The following WFDC8 variants were observed in gnomAD, a reference collection of about 807,000 sequenced individuals.
WFDC8 encodes the protein WAP four-disulfide core domain protein 8.
Under a neutral mutation model 27.0 loss-of-function variants are expected in WFDC8, and 24 were observed. The ratio of observed to expected loss-of-function variants is 0.89; its 90% CI spans 0.64 to 1.25. The LOEUF (loss-of-function observed/expected upper bound fraction) is 1.25, where lower values mean the gene tolerates loss of function less well. WFDC8 is among the 50% of genes most tolerant of loss of function. The pLI is 0.00. For missense variants in WFDC8, 287 were observed against 295.9 expected, an observed-to-expected ratio of 0.97 and a Z score of 0.22; for synonymous variants, 106 against 99.7, an observed-to-expected ratio of 1.06 and a Z score of -0.38.
At position 45,552,147 on chromosome 20, in the gene WFDC8, G is replaced by A. The variant is rs1215432393; in HGVS notation, c.605C>T (p.Pro202Leu). ...RAWTVKKGFC[P>L]RKPLLCTKID... ...CTTGGTACATAGCAAGGGCTTGCGT[G>A]GGCAGAAACCTTTTTTGACTTTATG... The change falls in exon 6 of 6, where the codon CCA becomes CTA. Residue 202 changes from proline (P) to leucine (L), a missense_variant. Coordinates refer to ENST00000289953, the MANE Select transcript of WFDC8 (RefSeq NM_130896.3). The A allele has an allele frequency of 1.2e-6, 2 of 1,613,716 alleles. No individual in the cohort carries two copies. The highest frequency in any genetic ancestry group is 1.7e-6 in the Non-Finnish European group (2 of 1,179,904).
rs536848229 is a variant in WFDC8 at position 45,564,906 on chromosome 20, GA to G, written c.27-2688del. 1.7e-3 allele frequency among the ~76,000 whole-genome samples: 239 copies of G among 143,302 alleles called. 2 individuals carry two copies. Among genetic ancestry groups the G allele is most frequent in the Non-Finnish European group, 2.5e-3 (166 of 66,084 alleles). The allele number at this position is 143,302 out of a possible 152,430, so 94.0% of individuals were successfully genotyped here. A position where few individuals can be genotyped will look rare whatever the true frequency, so the allele number is the denominator to read the frequency against. On this transcript the variant is annotated intron_variant, in intron 1 of 5. Coordinates refer to ENST00000289953, the MANE Select transcript of WFDC8 (RefSeq NM_130896.3). Reference sequence around the variant, plus strand: ...AGGAGAAGAGAATAGGGGAGAGGGAGAAAAAAGAAGAAAGAGAGAGTGAAAG... The same window carrying G: ...AGGAGAAGAGAATAGGGGAGAGGGAGAAAAAGAAGAAAGAGAGAGTGAAAG...
rs187762068 is a variant in WFDC8, at chr20:45,571,795, G to A, written c.26+7427C>T. 3.3e-3 allele frequency among the ~76,000 whole-genome samples: 497 copies of A among 152,260 alleles called. 3 individuals are homozygous for A. The highest frequency in any genetic ancestry group is 0.011 in the African/African-American group (470 of 41,538). ...GTTCTTCATCTTCATCCATGTTATT[G>A]CAAATGACAGAATTTCCTTCTTTTT... On this transcript the variant is annotated intron_variant, in intron 1 of 5. Transcript: ENST00000289953.
chr20:45,559,713 T>C (rs1980396964), intron 2 of WFDC8: 1 of 152,068 alleles, frequency 6.6e-6, no homozygotes, highest in Non-Finnish European at 1.5e-5. Flanking sequence ...CCTTTTATTT[T>C]TATTTTTATT....
intron 5 of WFDC8, 152 bp downstream of exon 5, chr20:45,552,984 T>A: frequency 1.2e-6 from 1 of 866,496 alleles, no homozygotes; most frequent in South Asian, 1.9e-5. Context: ...GAGGTCAATA[T>A]AACTTGTTGG....
At chr20:45,554,243 G>T (rs1051909247) in intron 4 of WFDC8, among the ~76,000 whole-genome samples, 1 of 152,050 alleles carries the variant, frequency 6.6e-6, no homozygotes, top group Non-Finnish European at 1.5e-5. Context: ...GCCTAGGCTG[G>T]TCTCAAACTC....
intron 1 of WFDC8, among the ~76,000 whole-genome samples, chr20:45,574,118 T>C (rs975511187): frequency 3.3e-5 from 5 of 152,196 alleles, no homozygotes; most frequent in East Asian, 1.9e-4. Flanking sequence ...CTGGAAGAAA[T>C]TGAGAAATTC....
At chr20:45,553,341 C>A (rs3817886) in intron 4 of WFDC8, 65 bp from the exon 5 acceptor site, 618,529 of 1,544,896 alleles carry the variant, frequency 0.4, 128,643 homozygotes, top group Non-Finnish European at 0.43. Context: ...TTCAAAGAGC[C>A]TTTCCTTCTC....
intron 1 of WFDC8, among the ~76,000 whole-genome samples, chr20:45,576,029 C>T (rs1041058238): frequency 9.2e-5 from 14 of 151,366 alleles, no homozygotes; most frequent in African/African-American, 2.7e-4. Context: ...AATTAGTAAG[C>T]CTCGTCCAAA....
intron 4 of WFDC8, among the ~76,000 whole-genome samples, chr20:45,554,959 G>T (rs753565088): frequency 6.6e-6 from 1 of 152,216 alleles, no homozygotes; most frequent in Non-Finnish European, 1.5e-5. Flanking sequence ...TCACACAGTT[G>T]TGAAGATCAC....
chr20:45,553,038 G>T (rs536781515), intron 5 of WFDC8, 98 bp downstream of exon 5: 2 of 1,441,458 alleles, frequency 1.4e-6, no homozygotes, highest in South Asian at 1.4e-5. Context: ...TGAGCCCAAG[G>T]AGCATCTGAG....
chr20:45,551,791 A>G lies in WFDC8; in HGVS notation c.*235T>C, dbSNP rs1052611185. On this transcript the variant is annotated 3_prime_UTR_variant, in exon 6 of 6. Coordinates refer to ENST00000289953, the MANE Select transcript of WFDC8 (RefSeq NM_130896.3). ...TGCCATTGCCTTTATTTTCATTATT[A>G]TTTTGGAGGTTCTACACAATACAAG... The G allele has an allele frequency of 1.7e-4, 70 of 411,674 alleles. No individual in the cohort carries two copies. Among genetic ancestry groups the G allele is most frequent in the Middle Eastern group, 6.7e-4 (1 of 1,498 alleles). The allele number at this position is 411,674 out of a possible 1,614,324, so 25.5% of individuals were successfully genotyped here.
In WFDC8 at chr20:45,552,095, A is replaced by G; in HGVS notation, c.657T>C (p.Asp219=). Residue 219 remains aspartate (D), a synonymous_variant, in exon 6 of 6, where the codon GAT becomes GAC. Transcript: ENST00000289953. The part of the protein sequence containing the change: ...TKIDKPKCLQ[D]EECPLVEKCC... ...ACTTTTCCACCAATGGGCACTCCTCATCCTGCAGGCACTTGGGTTTATCAA... is the reference window on the plus strand; with the variant it reads ...ACTTTTCCACCAATGGGCACTCCTCGTCCTGCAGGCACTTGGGTTTATCAA... 1 of 1,614,126 alleles carries G rather than the reference A, an allele frequency of 6.2e-7. No individual in the cohort carries two copies. The highest frequency in any genetic ancestry group is 2.2e-5 in the East Asian group (1 of 44,886).
intron 1 of WFDC8, among the ~76,000 whole-genome samples, chr20:45,570,463 T>C (rs1253933509): frequency 1.3e-5 from 2 of 152,238 alleles, no homozygotes; most frequent in Non-Finnish European, 2.9e-5. Flanking sequence ...GTTCACATAA[T>C]GCATTGAGAT....
At chr20:45,555,593 TA>T in intron 4 of WFDC8, 107 bp downstream of exon 4, 1 of 1,288,580 alleles carries the variant, frequency 7.8e-7, no homozygotes, top group Non-Finnish European at 1.1e-6. Context: ...ATGACAGAGC[TA>T]AGTCTTGAAC....
intron 2 of WFDC8, among the ~76,000 whole-genome samples, chr20:45,560,147 G>T (rs1018655325): frequency 1.3e-5 from 2 of 152,210 alleles, no homozygotes; most frequent in Non-Finnish European, 2.9e-5. Context: ...TGGTAGAGAA[G>T]AATTGATTAG....
intron 1 of WFDC8, among the ~76,000 whole-genome samples, chr20:45,564,446 C>T (rs905197068): frequency 9.2e-5 from 14 of 151,956 alleles, no homozygotes; most frequent in Admixed American, 7.2e-4. Flanking sequence ...CCCAGGTGGG[C>T]GGATTATGAG....
intron 1 of WFDC8, among the ~76,000 whole-genome samples, chr20:45,573,463 C>T (rs1490848487): frequency 1.2e-4 from 18 of 152,122 alleles, no homozygotes; most frequent in Admixed American, 9.2e-4. Context: ...TCCTACACTC[C>T]GCCCTTCTGA....
chr20:45,558,595 CAG>C (rs1356935302), intron 3 of WFDC8, among the ~76,000 whole-genome samples: 1 of 152,180 alleles, frequency 6.6e-6, no homozygotes, highest in African/African-American at 2.4e-5. Context: ...GTCTCTTGAA[CAG>C]AGTGCGCATG....
intron 5 of WFDC8, 72 bp downstream of exon 5, chr20:45,553,064 C>G (rs1273810857): frequency 5.2e-6 from 8 of 1,535,610 alleles, no homozygotes; most frequent in South Asian, 3.9e-5. Flanking sequence ...AGACACCCCC[C>G]ACTCCATGGA....
Sources: gnomAD v4.1 joint callset for allele counts (sites outside exome capture counted in the v4.1 genomes callset) on GRCh38, gnomAD v4.1.1 for gene constraint, MANE v1.5 for transcripts, NCBI Gene and HGNC (gene_info 2026-07-23, HGNC 2026-07-21) for gene names.